Variants in CAMKMT observed in about 807,000 individuals in gnomAD.
CAMKMT encodes calmodulin-lysine N-methyltransferase.
CAMKMT carries 53 observed loss-of-function variants against 48.0 expected under a neutral mutation model. The ratio of observed to expected loss-of-function variants is 1.10; its 90% CI spans 0.89 to 1.39. The LOEUF is 1.39. CAMKMT is among the 40% of genes most tolerant of loss of function. CAMKMT has a pLI of 0.00. For missense variants in CAMKMT, 428 were observed against 402.7 expected, an observed-to-expected ratio of 1.06 and a Z score of -0.54; for synonymous variants, 165 against 152.3, an observed-to-expected ratio of 1.08 and a Z score of -0.61.
intron 2 of CAMKMT, among the ~76,000 whole-genome samples, chr2:44,374,719 T>C (rs1679506248): frequency 1.3e-5 from 2 of 152,202 alleles, no homozygotes; most frequent in Admixed American, 6.5e-5. Context: ...CTTTGTGATA[T>C]ATCTTCTTGT....
At chr2:44,538,195 CTG>C (rs1666887764) in intron 3 of CAMKMT, among the ~76,000 whole-genome samples, 1 of 151,916 alleles carries the variant, frequency 6.6e-6, no homozygotes, top group Admixed American at 6.6e-5. Context: ...TGGTGAAACC[CTG>C]TCTCTACTAA....
chr2:44,579,385 G>T (rs1669414476), intron 3 of CAMKMT, among the ~76,000 whole-genome samples: 3 of 152,278 alleles, frequency 2.0e-5, no homozygotes, highest in Non-Finnish European at 4.4e-5. Context: ...CTCTTGTACA[G>T]GTCCAATTTC....
At chr2:44,526,041 A>G (rs1039436641) in intron 3 of CAMKMT, among the ~76,000 whole-genome samples, 6 of 152,222 alleles carry the variant, frequency 3.9e-5, no homozygotes, top group African/African-American at 1.4e-4. Context: ...CATATACACC[A>G]TGGAATACTA....
intron 3 of CAMKMT, among the ~76,000 whole-genome samples, chr2:44,565,777 A>G (rs1314006065): frequency 8.6e-5 from 13 of 152,030 alleles, no homozygotes; most frequent in African/African-American, 4.8e-5. Flanking sequence ...AGTTTTCCCC[A>G]TTGTCTTATT....
intron 3 of CAMKMT, among the ~76,000 whole-genome samples, chr2:44,449,650 C>A (rs1047774829): frequency 6.6e-6 from 1 of 152,082 alleles, no homozygotes; most frequent in African/African-American, 2.4e-5. Context: ...TAATTTCTTT[C>A]TTCAATGTTT....
intron 3 of CAMKMT, among the ~76,000 whole-genome samples, chr2:44,518,099 C>T (rs1221234240): frequency 6.6e-6 from 1 of 152,050 alleles, no homozygotes; most frequent in African/African-American, 2.4e-5. Context: ...GCAGATCATC[C>T]TCTACTATTC....
intron 3 of CAMKMT, among the ~76,000 whole-genome samples, chr2:44,584,317 G>T (rs1266835482): frequency 6.6e-6 from 1 of 152,176 alleles, no homozygotes; most frequent in African/African-American, 2.4e-5. Context: ...GATGAAAGAA[G>T]TGGTACATTT....
At position 44,549,572 on chromosome 2, in the gene CAMKMT, G is replaced by A. The variant is rs897691429; in HGVS notation, c.377-154711G>A. 7 of 693,214 alleles carry A rather than the reference G, an allele frequency of 1.0e-5. No individual in the cohort carries two copies. The Admixed American group carries it at 1.0e-4, about 10-fold the overall frequency. 42.9% of individuals were successfully genotyped at this position (693,214 alleles called of 1,614,324 possible). A position where few individuals can be genotyped will look rare whatever the true frequency, so the allele number is the denominator to read the frequency against. ...TTTCTTAGACACAGGGTCTCACTCT[G>A]TTGCCCAGGCTGGAGTGCAGTGGTG... On this transcript the variant is annotated intron_variant, in intron 3 of 10. Transcript: ENST00000378494.
At position 44,772,090 on chromosome 2, in the gene CAMKMT, C is replaced by G; in HGVS notation, c.949C>G (p.Leu317Val). The change falls in exon 11 of 11, where the codon CTT becomes GTT. Residue 317 changes from leucine (L) to valine (V), a missense_variant. By Grantham distance (32) the Leu-to-Val change is conservative. Transcript: ENST00000378494. ...AGAAAACCTTCATTACCCGCTTCTG[C>G]TTATTTTGACCAAACATGGATAGAA... Reference protein sequence around the residue: ...YEENLHYPLLLILTKHG With the variant: ...YEENLHYPLLVILTKHG The G allele has an allele frequency of 1.9e-6, 3 of 1,613,702 alleles. No homozygotes were observed. The highest frequency in any genetic ancestry group is 1.1e-5 in the South Asian group (1 of 91,032).
At chr2:44,454,048 T>C (rs1667433387) in intron 3 of CAMKMT, among the ~76,000 whole-genome samples, 1 of 152,094 alleles carries the variant, frequency 6.6e-6, no homozygotes, top group Non-Finnish European at 1.5e-5. Context: ...GAAATTCTTT[T>C]ACTAAGAATA....
intron 10 of CAMKMT, 91 bp downstream of exon 10, chr2:44,766,652 A>G: frequency 7.3e-7 from 1 of 1,371,472 alleles, no homozygotes. Flanking sequence ...TAAATATTTG[A>G]TTAAAGTACT....
At chr2:44,405,532 A>G (rs1682720825) in intron 3 of CAMKMT, among the ~76,000 whole-genome samples, 1 of 152,156 alleles carries the variant, frequency 6.6e-6, no homozygotes, top group Non-Finnish European at 1.5e-5. Context: ...TGCTTATTTT[A>G]GGAAATCGGA....
intron 1 of CAMKMT, among the ~76,000 whole-genome samples, chr2:44,363,567 A>T (rs993121545): frequency 8.1e-5 from 12 of 148,724 alleles, no homozygotes; most frequent in Non-Finnish European, 1.6e-4. Context: ...TTAAGTAGAG[A>T]CGGGGTTTCT....
intron 3 of CAMKMT, among the ~76,000 whole-genome samples, chr2:44,417,409 AAAAATG>A (rs1683633850): frequency 1.3e-5 from 2 of 152,162 alleles, no homozygotes; most frequent in Non-Finnish European, 2.9e-5. Context: ...AATAAAAAAT[AAAAATG>A]AAAAATAAAT....
chr2:44,554,313 C>A (rs192160155), intron 3 of CAMKMT, among the ~76,000 whole-genome samples: 1 of 152,360 alleles, frequency 6.6e-6, no homozygotes, highest in African/African-American at 2.4e-5. Context: ...GCACAGAAAT[C>A]TTCCTAGTAA....
chr2:44,444,091 G>A (rs942458486), intron 3 of CAMKMT, among the ~76,000 whole-genome samples: 2 of 152,148 alleles, frequency 1.3e-5, no homozygotes, highest in African/African-American at 2.4e-5. Context: ...GATATGTTGC[G>A]TAGGTGAGTG....
intron 3 of CAMKMT, among the ~76,000 whole-genome samples, chr2:44,405,942 C>G (rs1682747375): frequency 1.3e-5 from 2 of 152,120 alleles, no homozygotes; most frequent in African/African-American, 4.8e-5. Flanking sequence ...AAATCTGTGC[C>G]TAAACTTTAA....
At chr2:44,497,592 G>A (rs529873657) in intron 3 of CAMKMT, among the ~76,000 whole-genome samples, 2 of 151,912 alleles carry the variant, frequency 1.3e-5, no homozygotes, top group African/African-American at 4.8e-5. Flanking sequence ...TTCTTTTGGG[G>A]GAATAAACCT....
At chr2:44,387,821 A>G (rs1195653213) in intron 2 of CAMKMT, among the ~76,000 whole-genome samples, 3 of 152,160 alleles carry the variant, frequency 2.0e-5, no homozygotes, top group African/African-American at 4.8e-5. Context: ...TGGATACAAA[A>G]TTCTTGGCTG....
Sources: gnomAD v4.1 joint callset for allele counts (sites outside exome capture counted in the v4.1 genomes callset) on GRCh38, gnomAD v4.1.1 for gene constraint, MANE v1.5 for transcripts, NCBI Gene and HGNC (gene_info 2026-07-23, HGNC 2026-07-21) for gene names.